GALNT15: variants seen among roughly 807,000 people sequenced by gnomAD.
The protein encoded by GALNT15 is UDP-GalNAc transferase T15.
In GALNT15, 67 loss-of-function variants were observed where a neutral mutation model predicts 66.8. The ratio of observed to expected loss-of-function variants is 1.00; its 90% confidence interval spans 0.82 to 1.23. The LOEUF (loss-of-function observed/expected upper bound fraction) is 1.23. GALNT15 is among the 50% of genes most tolerant of loss of function. The probability of loss-of-function intolerance (pLI) is 0.00; values close to 1 mark genes in which losing one functional copy is unlikely to be tolerated. For synonymous variants in GALNT15, 313 were observed against 311.5 expected (o/e 1.00, Z -0.05); for missense variants, 827 against 804.3 (o/e 1.03, Z -0.34).
Position 16,225,356 on chromosome 3 carries a change from A to T in GALNT15, c.1774-1998A>T, listed in dbSNP as rs2063994865. ...TCAACTACTAAACTTTACACTTAAA[A>T]ATGCCTAAGATTGTAAAAGTTTTGC... On this transcript the variant is annotated intron_variant, in intron 9 of 9. Coordinates refer to ENST00000339732, the MANE Select transcript of GALNT15 (RefSeq NM_054110.5). The surrounding 1 kb of genome is among the most constrained non-coding windows in gnomAD (Gnocchi z 4.4). Among the ~76,000 whole-genome samples, 1 of 152,258 alleles carries T rather than the reference A, an allele frequency of 6.6e-6. No homozygotes were observed. Among genetic ancestry groups the T allele is most frequent in the African/African-American group, 2.4e-5 (1 of 41,468 alleles).
downstream of GALNT15, among the ~76,000 whole-genome samples, chr3:16,230,552 A>C (rs900989290): frequency 4.6e-5 from 7 of 151,714 alleles, no homozygotes; most frequent in Non-Finnish European, 7.4e-5. This position sits in a 1 kb window ranked among gnomAD's most constrained non-coding sequence, Gnocchi z 4.5. Flanking sequence ...AACAAAATGC[A>C]AACAAGTTGC....
chr3:16,207,501 TAAAAAAAAAAAAAAAAAAAAAAAAAA>T (rs36127239), intron 3 of GALNT15, among the ~76,000 whole-genome samples: 12 of 39,802 alleles, frequency 3.0e-4, no homozygotes, highest in East Asian at 8.4e-4. Context: ...CTCCAGGCTG[TAAAAAAAAAAAAAAAAAAAAAAAAAA>T]AAAAAAAAAA....
chr3:16,230,255 G>A (rs1048756173), downstream of GALNT15, among the ~76,000 whole-genome samples: 1 of 152,318 alleles, frequency 6.6e-6, no homozygotes, highest in Admixed American at 6.5e-5. This position sits in a 1 kb window ranked among gnomAD's most constrained non-coding sequence, Gnocchi z 4.5. Flanking sequence ...TCTTCATGCT[G>A]TATTACAACA....
rs765930319 is a variant in GALNT15, at chr3:16,226,534, G to GGA, written c.1774-810_1774-809dup. Among the ~76,000 whole-genome samples, 6 of 152,118 alleles carry GGA rather than the reference G, an allele frequency of 3.9e-5. No homozygotes were observed. The South Asian group carries it at 6.2e-4, about 16-fold the overall frequency. Reference sequence around the variant, plus strand: ...CCCCGTCCTTACATGGCGGAGCAAGGGAGAGAGAGAGCGAAGGAGGAGGTG... The same window carrying GGA: ...CCCCGTCCTTACATGGCGGAGCAAGGGAGAGAGAGAGAGCGAAGGAGGAGGTG... On this transcript the variant is annotated intron_variant, in intron 9 of 9. Transcript: ENST00000339732.
Position 16,200,541 on chromosome 3 carries a change from T to G in GALNT15, c.707-78T>G. 1 of 1,179,260 alleles carries G rather than the reference T, an allele frequency of 8.5e-7. No homozygotes were observed. The highest frequency in any genetic ancestry group is 1.2e-6 in the Non-Finnish European group (1 of 861,842). The allele number at this position is 1,179,260 out of a possible 1,614,324, so 73.0% of individuals were successfully genotyped here. ...CTCACCACAGCTTCCAAAAGAGAGT[T>G]GCTGACGATTGTCTTAGTCACAATC... is the stretch of plus-strand genomic sequence containing the variant. On this transcript the variant is annotated intron_variant, in intron 2 of 9. Coordinates refer to ENST00000339732, the MANE Select transcript of GALNT15 (RefSeq NM_054110.5). This position sits in a 1 kb window ranked among gnomAD's most constrained non-coding sequence, Gnocchi z 4.4.
In GALNT15 at chr3:16,200,741, G is replaced by A; in HGVS notation, c.829G>A (p.Asp277Asn). 2 of 1,613,080 alleles carry A rather than the reference G, an allele frequency of 1.2e-6. No individual in the cohort carries two copies. The highest frequency in any genetic ancestry group is 1.7e-5 in the Admixed American group (1 of 59,884). Residue 277 changes from aspartate to asparagine, a missense_variant, in exon 3 of 10, where the codon GAT becomes AAT. By Grantham distance (23) the Asp-to-Asn change is conservative. Coordinates refer to ENST00000339732, the MANE Select transcript of GALNT15 (RefSeq NM_054110.5). This position sits in a 1 kb window ranked among gnomAD's most constrained non-coding sequence, Gnocchi z 4.4. ...RMLGATRATGDVLVFMDAHCE... is the reference protein window; with the variant it reads ...RMLGATRATGNVLVFMDAHCE... Reference sequence around the variant, plus strand: ...GCTGGGGGCCACCAGAGCCACCGGGGATGTGCTCGTCTTCATGGATGCCCA... The same window carrying A: ...GCTGGGGGCCACCAGAGCCACCGGGAATGTGCTCGTCTTCATGGATGCCCA...
At position 16,180,091 on chromosome 3, in the gene GALNT15, C is replaced by T. The variant is rs111407681; in HGVS notation, c.539+4401C>T. Among the ~76,000 whole-genome samples, 6 of 152,186 alleles carry T rather than the reference C, an allele frequency of 3.9e-5. No individual in the cohort carries two copies. Among genetic ancestry groups the T allele is most frequent in the Admixed American group, 6.5e-5 (1 of 15,282 alleles). On this transcript the variant is annotated intron_variant, in intron 1 of 9. Coordinates refer to ENST00000339732, the MANE Select transcript of GALNT15 (RefSeq NM_054110.5). This position sits in a 1 kb window ranked among gnomAD's most constrained non-coding sequence, Gnocchi z 5.0. ...CTACGGCTGAACTTGAGCGTGCATCCGAACAACTAGATGGCTTGTTAAAAA... is the reference window on the plus strand; with the variant it reads ...CTACGGCTGAACTTGAGCGTGCATCTGAACAACTAGATGGCTTGTTAAAAA...
intron 6 of GALNT15, among the ~76,000 whole-genome samples, chr3:16,213,011 A>G (rs1056091140): frequency 2.0e-5 from 3 of 151,996 alleles, no homozygotes; most frequent in African/African-American, 4.8e-5. Flanking sequence ...GATGACATCT[A>G]TGGGATGGGA....
chr3:16,218,105 C>G (rs1459557200), intron 6 of GALNT15, among the ~76,000 whole-genome samples: 1 of 152,212 alleles, frequency 6.6e-6, no homozygotes, highest in Non-Finnish European at 1.5e-5. Context: ...ACATTTTTAA[C>G]TAGCTCCGTG....
At chr3:16,215,502 C>G (rs1443523417) in intron 6 of GALNT15, among the ~76,000 whole-genome samples, 1 of 152,164 alleles carries the variant, frequency 6.6e-6, no homozygotes, top group Non-Finnish European at 1.5e-5. Context: ...AACATCGAAA[C>G]AGTAATCCTC....
At chr3:16,197,317 C>A (rs1041085738) in intron 2 of GALNT15, among the ~76,000 whole-genome samples, 1 of 152,208 alleles carries the variant, frequency 6.6e-6, no homozygotes, top group Admixed American at 6.5e-5. Flanking sequence ...CTGGCCAACT[C>A]CCCTTCTGCC....
chr3:16,245,408 T>C, the GALNT15 span, among the ~76,000 whole-genome samples: 403 of 152,338 alleles, frequency 2.6e-3, 2 homozygotes, highest in Non-Finnish European at 5.1e-3. Flanking sequence ...CTGATGCACA[T>C]TCAGTCTCCA....
chr3:16,213,452 C>CAAAAAAAA (rs3055462), intron 6 of GALNT15, among the ~76,000 whole-genome samples: 11 of 63,756 alleles, frequency 1.7e-4, no homozygotes, highest in Admixed American at 4.5e-4. Flanking sequence ...AACTCCATCT[C>CAAAAAAAA]AAAAAAAAAA....
chr3:16,220,045 T>G (rs1362285533), intron 8 of GALNT15, 31 bp downstream of exon 8: 7 of 1,532,182 alleles, frequency 4.6e-6, no homozygotes, highest in Non-Finnish European at 6.3e-6. Context: ...GGATGGATGA[T>G]AGCCCAAGAA....
Position 16,188,874 on chromosome 3 carries a change from T to C in GALNT15, c.540-6886T>C, listed in dbSNP as rs541535368. Among the ~76,000 whole-genome samples the C allele has an allele frequency of 5.3e-5, 8 of 152,176 alleles. No homozygotes were observed. The highest frequency in any genetic ancestry group is 1.2e-4 in the Non-Finnish European group (8 of 68,002). On this transcript the variant is annotated intron_variant, in intron 1 of 9. Transcript: ENST00000339732. This position sits in a 1 kb window ranked among gnomAD's most constrained non-coding sequence, Gnocchi z 4.6. ...CTCTCTGTCCTCACTTCCACCTCCC[T>C]CCTTGTGTCCTCTCTCTCCAAGGTC...
At position 16,175,244 on chromosome 3, in the gene GALNT15, G is replaced by T. The variant is rs144505316; in HGVS notation, c.93G>T (p.Ala31=). The T allele has an allele frequency of 1.2e-4, 186 of 1,614,116 alleles. No individual in the cohort carries two copies. The East Asian group carries it at 3.0e-3, about 26-fold the overall frequency. The change falls in exon 1 of 10, where the codon GCG becomes GCT. Residue 31 remains alanine, a synonymous_variant. Transcript: ENST00000339732. The surrounding 1 kb of genome is among the most constrained non-coding windows in gnomAD (Gnocchi z 5.6). ...TGGGATGCGTCCTGATGATGGTGGC[G>T]ATGTTGCACCCTCCCCACCACACCC... The part of the protein sequence containing the change: ...LMLGCVLMMV[A]MLHPPHHTLH...
In GALNT15 at chr3:16,175,496, G is replaced by C. The variant is rs1419802683; in HGVS notation, c.345G>C (p.Gly115=). 1.9e-6 allele frequency: 3 copies of C among 1,613,870 alleles called. No individual in the cohort carries two copies. In the East Asian group the frequency reaches 6.7e-5, roughly 36 times the overall value. Residue 115 remains glycine (G), a synonymous_variant, in exon 1 of 10, where the codon GGG becomes GGC. Coordinates refer to ENST00000339732, the MANE Select transcript of GALNT15 (RefSeq NM_054110.5). This position sits in a 1 kb window ranked among gnomAD's most constrained non-coding sequence, Gnocchi z 5.6. ...RRNQSQGRRG[G]SYRLIKQPRR... is the part of the protein sequence containing the mutation. Reference sequence around the variant, plus strand: ...ACCAGAGCCAGGGCAGGAGAGGTGGGAGCTACCGCCTCATCAAGCAGCCAA... The same window carrying C: ...ACCAGAGCCAGGGCAGGAGAGGTGGCAGCTACCGCCTCATCAAGCAGCCAA...
At position 16,189,963 on chromosome 3, in the gene GALNT15, A is replaced by T. The variant is rs1490214713; in HGVS notation, c.540-5797A>T. ...TGGTACTTGCCCAGGTCACATAAGG[A>T]CAGACTGGGATTTGAACCCAATGCC... On this transcript the variant is annotated intron_variant, in intron 1 of 9. Transcript: ENST00000339732. This position sits in a 1 kb window ranked among gnomAD's most constrained non-coding sequence, Gnocchi z 5.1. Among the ~76,000 whole-genome samples, 1 of 152,242 alleles carries T rather than the reference A, an allele frequency of 6.6e-6. No individual in the cohort carries two copies. Among genetic ancestry groups the T allele is most frequent in the Non-Finnish European group, 1.5e-5 (1 of 68,042 alleles).
intron 3 of GALNT15, among the ~76,000 whole-genome samples, chr3:16,207,692 A>G (rs1176208567): frequency 9.2e-5 from 14 of 152,154 alleles, no homozygotes; most frequent in Non-Finnish European, 1.5e-5. Context: ...TCTCAAGCCA[A>G]TCCAGTTTTA....
Sources: gnomAD v4.1 joint callset for allele counts (sites outside exome capture counted in the v4.1 genomes callset) on GRCh38, gnomAD v4.1.1 for gene constraint, Gnocchi (gnomAD v3.1) non-coding constraint, MANE v1.5 for transcripts, NCBI Gene and HGNC (gene_info 2026-07-23, HGNC 2026-07-21) for gene names.